FAM177A1: variants seen among roughly 807,000 people sequenced by gnomAD.
The protein encoded by FAM177A1 is family with sequence similarity 177 member A1.
Under a neutral mutation model 26.1 loss-of-function variants are expected in FAM177A1, and 22 were observed. The observed-to-expected ratio is 0.84, with a 90% CI of 0.60 to 1.20. FAM177A1 has a LOEUF of 1.20. Among genes scored for constraint, FAM177A1 ranks in the 50% most tolerant of loss-of-function variants. FAM177A1 has a pLI of 0.00. For synonymous variants in FAM177A1, 95 were observed against 99.3 expected (o/e 0.96, Z 0.26); for missense variants, 296 against 291.1 (o/e 1.02, Z -0.12).
chr14:35,053,236 A>T, intron 1 of FAM177A1, 42 bp from the exon 2 acceptor site: 1 of 1,539,546 alleles, frequency 6.5e-7, no homozygotes, highest in Non-Finnish European at 8.8e-7. Context: ...AAGAAAATTA[A>T]TCTCACTTGA....
At chr14:35,046,671 C>A (rs1164681960) in intron 1 of FAM177A1, 43 bp downstream of exon 1, 5 of 1,498,992 alleles carry the variant, frequency 3.3e-6, no homozygotes, top group South Asian at 1.3e-5. Flanking sequence ...AGCCGAGCCG[C>A]CTCCTTGCCT....
chr14:35,050,730 G>A (rs1040294775), intron 1 of FAM177A1: 1 of 152,208 alleles, frequency 6.6e-6, no homozygotes, highest in Non-Finnish European at 1.5e-5. Flanking sequence ...GATCCATCCA[G>A]TTAGTAGGAT....
At chr14:35,076,587 A>T (rs1302349008) in intron 2 of FAM177A1, among the ~76,000 whole-genome samples, 3 of 152,096 alleles carry the variant, frequency 2.0e-5, no homozygotes, top group African/African-American at 7.2e-5. Flanking sequence ...AACTTAAAGT[A>T]TAATAATAAT....
intron 1 of FAM177A1, among the ~76,000 whole-genome samples, chr14:35,052,305 C>T (rs537386292): frequency 7.5e-4 from 114 of 151,430 alleles, no homozygotes; most frequent in African/African-American, 2.6e-3. Flanking sequence ...AGTGCAGTGG[C>T]GCGCCTTCCA....
chr14:35,050,224 G>A (rs2139056801), intron 1 of FAM177A1: 1 of 152,068 alleles, frequency 6.6e-6, no homozygotes, highest in African/African-American at 2.4e-5. Flanking sequence ...AGCCAGGGTG[G>A]TCTCACACCC....
chr14:35,058,975 G>T (rs533179986), intron 2 of FAM177A1, among the ~76,000 whole-genome samples: 17 of 151,852 alleles, frequency 1.1e-4, no homozygotes, highest in Non-Finnish European at 2.4e-4. Context: ...TCACTCTGTC[G>T]CCCAGGCTGG....
chr14:35,061,667 G>A (rs1161280152), intron 2 of FAM177A1, among the ~76,000 whole-genome samples: 2 of 149,366 alleles, frequency 1.3e-5, no homozygotes, highest in Non-Finnish European at 3.0e-5. Context: ...AATGCTAAAT[G>A]ACAAGTTAAT....
intron 2 of FAM177A1, among the ~76,000 whole-genome samples, chr14:35,063,035 C>G: frequency 6.7e-6 from 1 of 149,050 alleles, no homozygotes; most frequent in South Asian, 2.1e-4. Flanking sequence ...AATCCCAGCA[C>G]TTTGGGAGGC....
intron 2 of FAM177A1, among the ~76,000 whole-genome samples, chr14:35,075,940 C>A (rs970888268): frequency 6.6e-6 from 1 of 152,142 alleles, no homozygotes; most frequent in Non-Finnish European, 1.5e-5. Context: ...AGTCAGGAAA[C>A]AACAGGTGCT....
At chr14:35,060,570 A>T (rs2045136186) in intron 2 of FAM177A1, among the ~76,000 whole-genome samples, 1 of 151,632 alleles carries the variant, frequency 6.6e-6, no homozygotes, top group African/African-American at 2.4e-5. Context: ...TATTATAGCA[A>T]CTCTGGGTAC....
intron 1 of FAM177A1, 77 bp downstream of exon 1, chr14:35,046,705 C>T (rs1489571323): frequency 8.9e-6 from 13 of 1,459,926 alleles, no homozygotes; most frequent in Non-Finnish European, 1.1e-5. Context: ...CTCTTTTAGC[C>T]TGCGCGGCCG....
intron 1 of FAM177A1, among the ~76,000 whole-genome samples, chr14:35,052,789 G>A (rs144128194): frequency 4.1e-4 from 63 of 152,140 alleles, no homozygotes; most frequent in Middle Eastern, 3.4e-3. Flanking sequence ...AAGTGTGGTG[G>A]CATGCTCCTA....
chr14:35,076,569 T>A (rs1362391682), intron 2 of FAM177A1, among the ~76,000 whole-genome samples: 1 of 151,958 alleles, frequency 6.6e-6, no homozygotes, highest in African/African-American at 2.4e-5. Context: ...TGTGCACAGG[T>A]ACCCTAGAAC....
At chr14:35,053,851 G>C (rs1355428739) in intron 2 of FAM177A1, among the ~76,000 whole-genome samples, 1 of 152,114 alleles carries the variant, frequency 6.6e-6, no homozygotes, top group Non-Finnish European at 1.5e-5. Context: ...AAATTAGCTG[G>C]ACGTATTGGT....
At chr14:35,069,515 C>G (rs1413968681) in intron 2 of FAM177A1, among the ~76,000 whole-genome samples, 1 of 151,956 alleles carries the variant, frequency 6.6e-6, no homozygotes, top group African/African-American at 2.4e-5. Flanking sequence ...GAACTCCCAA[C>G]CTGAGGTGAT....
intron 2 of FAM177A1, among the ~76,000 whole-genome samples, chr14:35,070,182 A>G (rs576585168): frequency 4.2e-5 from 6 of 144,514 alleles, no homozygotes; most frequent in African/African-American, 1.5e-4. Context: ...TTATAATCTT[A>G]TAGTAACTCA....
At chr14:35,049,516 G>T (rs1380053297) in intron 1 of FAM177A1, among the ~76,000 whole-genome samples, 2 of 152,152 alleles carry the variant, frequency 1.3e-5, no homozygotes, top group African/African-American at 4.8e-5. Flanking sequence ...GGGCAGAGTG[G>T]CTCACACCTA....
At chr14:35,078,797 C>T (rs1350694613) in intron 3 of FAM177A1, 130 bp from the exon 4 acceptor site, 2 of 574,114 alleles carry the variant, frequency 3.5e-6, no homozygotes, top group Non-Finnish European at 2.8e-6. Context: ...GAAGATAGAT[C>T]TATTAGGTTT....
intron 1 of FAM177A1, among the ~76,000 whole-genome samples, chr14:35,047,482 T>A (rs1438879959): frequency 6.6e-6 from 1 of 152,120 alleles, no homozygotes; most frequent in Non-Finnish European, 1.5e-5. Context: ...TTGCAACTTT[T>A]CAGTATTAGA....
Sources: allele counts gnomAD v4.1 joint callset (sites outside exome capture counted in the v4.1 genomes callset), GRCh38; gene constraint gnomAD v4.1.1; transcripts MANE v1.5; gene names NCBI Gene and HGNC (gene_info 2026-07-23, HGNC 2026-07-21).